Variants in GLIS1 observed in about 807,000 individuals in gnomAD.
GLIS1 encodes GLIS family zinc finger 1.
In GLIS1, 24 loss-of-function variants were observed where a neutral mutation model predicts 63.8. That is an observed-to-expected ratio of 0.38 (90% CI 0.27 to 0.53). The LOEUF is 0.53. Ranked by LOEUF, GLIS1 falls within the 20% of genes least tolerant of loss-of-function variation. The pLI is 0.85. For missense variants in GLIS1, 1,036 were observed against 1,074.1 expected (o/e 0.96, Z 0.50); for synonymous variants, 450 against 482.5 (o/e 0.93, Z 0.88).
chr1:53,536,716 C>T (rs924458492), intron 4 of GLIS1, among the ~76,000 whole-genome samples: 3 of 152,134 alleles, frequency 2.0e-5, no homozygotes, highest in Non-Finnish European at 4.4e-5. Flanking sequence ...CAAGTTCTCT[C>T]TCAGGAGCTA....
chr1:53,731,892 T>C (rs1002044477), intron 2 of GLIS1, among the ~76,000 whole-genome samples: 3 of 152,146 alleles, frequency 2.0e-5, no homozygotes, highest in Admixed American at 6.5e-5. Flanking sequence ...GCCCAGTCAG[T>C]GTGGAATCCT....
At chr1:53,673,495 G>A (rs934264967) in intron 2 of GLIS1, among the ~76,000 whole-genome samples, 1 of 152,146 alleles carries the variant, frequency 6.6e-6, no homozygotes, top group Non-Finnish European at 1.5e-5. Flanking sequence ...CACCTCCTTC[G>A]GAAAGAGTCC....
intron 2 of GLIS1, among the ~76,000 whole-genome samples, chr1:53,682,765 G>A (rs1160538945): frequency 1.3e-5 from 2 of 152,190 alleles, no homozygotes; most frequent in Admixed American, 6.5e-5. Context: ...AAGGAAACTC[G>A]AAGATTATCT....
intron 2 of GLIS1, among the ~76,000 whole-genome samples, chr1:53,600,580 C>A (rs1295833546): frequency 1.3e-5 from 2 of 152,178 alleles, no homozygotes; most frequent in African/African-American, 4.8e-5. Context: ...GCAGGAAACA[C>A]TGGTAAACAA....
In GLIS1 at chr1:53,524,866, G is replaced by C. The variant is rs75718807; in HGVS notation, c.1504C>G (p.Pro502Ala). Residue 502 changes from proline to alanine, a missense_variant, in exon 6 of 11, where the codon CCT becomes GCT. Pro to Ala is a conservative substitution (Grantham distance 27, BLOSUM62 -1). This residue lies in a region of GLIS1 where 400 missense variants were observed against 400.9 expected (regional missense o/e 1.00). Transcript: ENST00000628545. Reference sequence around the variant, plus strand: ...TCTGTGTAGCGCTTGGAGCAGCCAGGGATCTGACAGGCGTACGGCTTCTGT... The same window carrying C: ...TCTGTGTAGCGCTTGGAGCAGCCAGCGATCTGACAGGCGTACGGCTTCTGT... ...LDTKPYACQI[P>A]GCSKRYTDPS... 61 of 1,613,100 alleles carry C rather than the reference G, an allele frequency of 3.8e-5. No individual in the cohort carries two copies. The highest frequency in any genetic ancestry group is 5.2e-5 in the Non-Finnish European group (61 of 1,179,780).
At chr1:53,647,454 G>A (rs980267487) in intron 2 of GLIS1, among the ~76,000 whole-genome samples, 7 of 152,172 alleles carry the variant, frequency 4.6e-5, no homozygotes, top group African/African-American at 1.2e-4. Flanking sequence ...GAAGGACAAC[G>A]TGGTCAATAG....
At chr1:53,620,283 T>C (rs553869038) in intron 2 of GLIS1, among the ~76,000 whole-genome samples, 1 of 152,332 alleles carries the variant, frequency 6.6e-6, no homozygotes, top group South Asian at 2.1e-4. Context: ...GCCAGCTCAG[T>C]GCCCCAGCAT....
intron 2 of GLIS1, among the ~76,000 whole-genome samples, chr1:53,689,458 G>A (rs777277286): frequency 9.9e-5 from 15 of 151,996 alleles, no homozygotes; most frequent in Non-Finnish European, 2.1e-4. Context: ...GTTGAGTCCC[G>A]TGTATCTTCC....
At chr1:53,699,928 T>A (rs1349090719) in intron 2 of GLIS1, among the ~76,000 whole-genome samples, 1 of 152,080 alleles carries the variant, frequency 6.6e-6, no homozygotes, top group Non-Finnish European at 1.5e-5. Flanking sequence ...ATATTGGTGG[T>A]TAGGGTTTCA....
intron 2 of GLIS1, among the ~76,000 whole-genome samples, chr1:53,616,416 T>C (rs1408907954): frequency 2.6e-5 from 4 of 152,272 alleles, no homozygotes; most frequent in Admixed American, 1.3e-4. Context: ...TATTACTTCA[T>C]GCTTGGCATT....
At chr1:53,593,904 C>T (rs1645218782) in intron 4 of GLIS1, among the ~76,000 whole-genome samples, 1 of 152,222 alleles carries the variant, frequency 6.6e-6, no homozygotes, top group Non-Finnish European at 1.5e-5. Context: ...GTATGAGGGC[C>T]CCTCTGCCAC....
chr1:53,701,232 G>T (rs1646519844), intron 2 of GLIS1, among the ~76,000 whole-genome samples: 1 of 152,198 alleles, frequency 6.6e-6, no homozygotes, highest in East Asian at 1.9e-4. Context: ...ACTATTTACA[G>T]TCCCACCAGC....
intron 2 of GLIS1, among the ~76,000 whole-genome samples, chr1:53,722,774 A>G (rs1646768597): frequency 6.6e-6 from 1 of 151,320 alleles, no homozygotes; most frequent in Non-Finnish European, 1.5e-5. Context: ...TGGAGGCTAC[A>G]GTGAGCTGTG....
intron 2 of GLIS1, among the ~76,000 whole-genome samples, chr1:53,609,021 A>T (rs1234088733): frequency 2.0e-5 from 3 of 152,218 alleles, no homozygotes; most frequent in Non-Finnish European, 1.5e-5. Flanking sequence ...GAAGAACAGC[A>T]GAGAAACTAA....
At chr1:53,582,929 C>T (rs532323702) in intron 4 of GLIS1, among the ~76,000 whole-genome samples, 42 of 152,204 alleles carry the variant, frequency 2.8e-4, no homozygotes, top group Non-Finnish European at 5.0e-4. Context: ...GGGGATCTTA[C>T]GGAAGTATCT....
intron 2 of GLIS1, among the ~76,000 whole-genome samples, chr1:53,663,538 A>G (rs996257635): frequency 6.6e-6 from 1 of 152,340 alleles, no homozygotes; most frequent in South Asian, 2.1e-4. Context: ...CTCCTCTAGA[A>G]TCCAGAGGGG....
intron 2 of GLIS1, among the ~76,000 whole-genome samples, chr1:53,632,161 T>C (rs1645660367): frequency 8.0e-6 from 1 of 124,994 alleles, no homozygotes. Flanking sequence ...GTGAGGGGCA[T>C]GTGACTGAGG....
intron 2 of GLIS1, among the ~76,000 whole-genome samples, chr1:53,693,097 C>G (rs1646425222): frequency 1.3e-5 from 2 of 152,224 alleles, no homozygotes; most frequent in Non-Finnish European, 2.9e-5. Context: ...GACAGAGAAG[C>G]AGGGCAAAGT....
chr1:53,696,565 G>A (rs1646467172), intron 2 of GLIS1, among the ~76,000 whole-genome samples: 1 of 152,064 alleles, frequency 6.6e-6, no homozygotes, highest in Non-Finnish European at 1.5e-5. Context: ...AACTCTCCAT[G>A]GCCCCCTCTA....
Sources: allele counts gnomAD v4.1 joint callset (sites outside exome capture counted in the v4.1 genomes callset), GRCh38; gene constraint gnomAD v4.1.1; regional missense constraint gnomAD v4.1.1; transcripts MANE v1.5; gene names NCBI Gene and HGNC (gene_info 2026-07-23, HGNC 2026-07-21).